ICE1: variants seen among roughly 807,000 people sequenced by gnomAD.
ICE1 encodes little elongation complex subunit 1.
A neutral mutation model predicts 192.7 loss-of-function variants in ICE1; 64 were observed. That is an observed-to-expected ratio of 0.33 (90% confidence interval 0.27 to 0.41). ICE1 has a LOEUF of 0.41. Ranked by LOEUF, ICE1 falls within the 10% of genes least tolerant of loss-of-function variation. The pLI, the probability that ICE1 is intolerant of heterozygous loss-of-function variation, is 1.00. For synonymous variants in ICE1, 1,010 were observed against 984.5 expected (o/e 1.03, Z -0.49); for missense variants, 2,708 against 2,696.0 (o/e 1.00, Z -0.10).
In ICE1 at chr5:5,435,797, G is replaced by A. The variant is rs924235529; in HGVS notation, c.85-621G>A. On this transcript the variant is annotated intron_variant, in intron 1 of 18. Coordinates refer to ENST00000296564, the MANE Select transcript of ICE1 (RefSeq NM_015325.3). ...TGATTCTCCTGCCTCAGCCTCCTGA[G>A]TAGCTAGGATTACAGGTGCCCACCA... Among the ~76,000 whole-genome samples the A allele has an allele frequency of 2.0e-5, 3 of 151,346 alleles. No individual in the cohort carries two copies. The East Asian group carries it at 5.8e-4, about 29-fold the overall frequency.
At chr5:5,482,775 AACAC>A (rs70965943) in intron 17 of ICE1, among the ~76,000 whole-genome samples, 2,148 of 136,032 alleles carry the variant, frequency 0.016, 55 homozygotes, top group African/African-American at 0.05. Context: ...CCCACCCCCC[AACAC>A]ACACACACAC....
At chr5:5,444,215 T>A (rs1738136227) in intron 6 of ICE1, 74 bp from the exon 7 acceptor site, 2 of 894,174 alleles carry the variant, frequency 2.2e-6, no homozygotes, top group Non-Finnish European at 1.8e-6. Flanking sequence ...AAAAAATATG[T>A]GCCACAAATT....
chr5:5,434,786 A>C (rs1737821734), intron 1 of ICE1, among the ~76,000 whole-genome samples: 1 of 152,196 alleles, frequency 6.6e-6, no homozygotes, highest in Non-Finnish European at 1.5e-5. Context: ...CATAGTATGA[A>C]TTGTATTTTC....
intron 1 of ICE1, among the ~76,000 whole-genome samples, chr5:5,435,912 C>A (rs1246916744): frequency 6.6e-6 from 1 of 151,940 alleles, no homozygotes; most frequent in African/African-American, 2.4e-5. Flanking sequence ...TCAGGTAATC[C>A]GCCTCAGCCT....
Position 5,423,006 on chromosome 5 carries a change from C to T in ICE1, c.84+7C>T. 7.1e-7 allele frequency: 1 copy of T among 1,399,744 alleles called. No individual in the cohort carries two copies. Among genetic ancestry groups the T allele is most frequent in the East Asian group, 3.1e-5 (1 of 32,226 alleles). 86.7% of individuals were successfully genotyped at this position (1,399,744 alleles called of 1,614,324 possible). The stretch of plus-strand genomic sequence containing the variant: ...CTGCGCCTCTCTGCAGCAGGTGCAG[C>T]ACCTCCCGGGGCCCCGGGCGCGGGG... On this transcript the variant is annotated splice_region_variant and intron_variant, in intron 1 of 18. Coordinates refer to ENST00000296564, the MANE Select transcript of ICE1 (RefSeq NM_015325.3).
intron 5 of ICE1, among the ~76,000 whole-genome samples, chr5:5,442,543 A>G (rs1342131211): frequency 6.6e-6 from 1 of 152,228 alleles, no homozygotes; most frequent in East Asian, 1.9e-4. Context: ...GATAACCCTC[A>G]TTAGTTGTTC....
chr5:5,433,472 T>C (rs566356882), intron 1 of ICE1, among the ~76,000 whole-genome samples: 1 of 152,324 alleles, frequency 6.6e-6, no homozygotes, highest in South Asian at 2.1e-4. Flanking sequence ...GCTAAATCAG[T>C]ACTCTTGAGT....
chr5:5,462,642 G>T lies in ICE1; in HGVS notation c.3308G>T (p.Gly1103Val), dbSNP rs773028482. 3.9e-5 allele frequency: 63 copies of T among 1,613,854 alleles called. No individual in the cohort carries two copies. The highest frequency in any genetic ancestry group is 1.6e-4 in the Middle Eastern group (1 of 6,084). ...CATTGTTACACAGGCATTCGAGAGG[G>T]GGGAGACGACACTGAGGTAGAGAGT... ...TLHCYTGIREGGDDTEVESEA... is the reference protein window; with the variant it reads ...TLHCYTGIREVGDDTEVESEA... Residue 1103 changes from glycine (G) to valine (V), a missense_variant, in exon 13 of 19, where the codon GGG (glycine) becomes GTG (valine). Gly to Val is a moderately radical substitution (Grantham distance 109, BLOSUM62 -3). This residue lies in a region of ICE1 where 2,366 missense variants were observed against 2,276.6 expected (regional missense o/e 1.04). Coordinates refer to ENST00000296564, the MANE Select transcript of ICE1 (RefSeq NM_015325.3).
At chr5:5,439,728 C>T (rs1579544461) in intron 3 of ICE1, among the ~76,000 whole-genome samples, 167 bp from the exon 4 acceptor site, 1 of 152,124 alleles carries the variant, frequency 6.6e-6, no homozygotes, top group East Asian at 1.9e-4. Flanking sequence ...AGTAAAAAGA[C>T]TTACCACTGT....
chr5:5,422,783 C>T lies in ICE1; in HGVS notation c.-133C>T, dbSNP rs1422623379. On this transcript the variant is annotated 5_prime_UTR_variant, in exon 1 of 19. In the 5' UTR this introduces an upstream ATG that the reference lacks. Transcript: ENST00000296564. ...CTAGCCCCACGGGGACCTCTGTGCA[C>T]GGATGGACCCGCCCGGACCTGGCGG... The T allele has an allele frequency of 1.9e-6, 1 of 521,622 alleles. No individual in the cohort carries two copies. The highest frequency in any genetic ancestry group is 2.9e-6 in the Non-Finnish European group (1 of 346,034). The allele number at this position is 521,622 out of a possible 1,614,324, so 32.3% of individuals were successfully genotyped here.
At chr5:5,475,348 G>A (rs867281671) in intron 16 of ICE1, among the ~76,000 whole-genome samples, 5 of 152,174 alleles carry the variant, frequency 3.3e-5, no homozygotes, top group African/African-American at 9.7e-5. Context: ...AATGATCTGA[G>A]ACTGAGTTTG....
In ICE1 at chr5:5,463,100, T is replaced by C; in HGVS notation, c.3766T>C (p.Leu1256=). The change falls in exon 13 of 19, where the codon TTG becomes CTG. Residue 1256 remains leucine, a synonymous_variant. Coordinates refer to ENST00000296564, the MANE Select transcript of ICE1 (RefSeq NM_015325.3). ...KNTSQLTQCS[L]ETLSEVLTKI... ...TACAAGTCAGCTCACTCAGTGTTCT[T>C]TGGAAACTCTGTCTGAGGTTCTGAC... 6.2e-7 allele frequency: 1 copy of C among 1,613,396 alleles called. No homozygotes were observed. Among genetic ancestry groups the C allele is most frequent in the Non-Finnish European group, 8.5e-7 (1 of 1,179,676 alleles).
chr5:5,451,903 A>G (rs1738429814), intron 10 of ICE1, among the ~76,000 whole-genome samples: 1 of 152,122 alleles, frequency 6.6e-6, no homozygotes, highest in Admixed American at 6.5e-5. Flanking sequence ...TGTTGTTAAT[A>G]TAGCTGCAAA....
intron 3 of ICE1, among the ~76,000 whole-genome samples, chr5:5,438,735 C>T (rs901845018): frequency 6.6e-6 from 1 of 152,106 alleles, no homozygotes; most frequent in Non-Finnish European, 1.5e-5. Flanking sequence ...AAAGGTTGGC[C>T]AGAAAAATTT....
chr5:5,425,356 G>A (rs910634816), intron 1 of ICE1, among the ~76,000 whole-genome samples: 1 of 152,196 alleles, frequency 6.6e-6, no homozygotes, highest in South Asian at 2.1e-4. Flanking sequence ...TAGGCTTTGG[G>A]GACTTGCTCA....
At chr5:5,485,870 G>A (rs950196895) in intron 17 of ICE1, among the ~76,000 whole-genome samples, 1 of 152,238 alleles carries the variant, frequency 6.6e-6, no homozygotes, top group African/African-American at 2.4e-5. Flanking sequence ...AAGCTCAGAT[G>A]TTATTGACCA....
intron 12 of ICE1, among the ~76,000 whole-genome samples, 189 bp downstream of exon 12, chr5:5,457,930 CT>C (rs1239302663): frequency 6.6e-6 from 1 of 152,130 alleles, no homozygotes; most frequent in African/African-American, 2.4e-5. Context: ...ATAATATGTA[CT>C]TTTTCACTTT....
chr5:5,467,853 G>A (rs1309334516), intron 14 of ICE1, among the ~76,000 whole-genome samples: 1 of 152,210 alleles, frequency 6.6e-6, no homozygotes, highest in Non-Finnish European at 1.5e-5. Flanking sequence ...CTCTTTGACA[G>A]TTTCTTATGA....
intron 10 of ICE1, 119 bp from the exon 11 acceptor site, chr5:5,454,433 G>A: frequency 1.6e-6 from 1 of 635,004 alleles, no homozygotes; most frequent in South Asian, 2.1e-5. Context: ...TTGAGTTTGG[G>A]GAAGATGTAT....
Sources: gnomAD v4.1 joint callset for allele counts (sites outside exome capture counted in the v4.1 genomes callset) on GRCh38, gnomAD v4.1.1 for gene constraint, gnomAD v4.1.1 regional missense constraint, MANE v1.5 for transcripts, NCBI Gene and HGNC (gene_info 2026-07-23, HGNC 2026-07-21) for gene names.